The following PCDH11X variants were observed in gnomAD, a reference collection of about 807,000 sequenced individuals.
PCDH11X encodes protocadherin 11 X-linked.
In PCDH11X, 18 loss-of-function variants were observed where a neutral mutation model predicts 53.3. That is an observed-to-expected ratio of 0.34 (90% CI 0.23 to 0.50). The LOEUF (loss-of-function observed/expected upper bound fraction) is 0.50. PCDH11X is among the 20% of genes least tolerant of loss of function. The pLI, the probability that PCDH11X is intolerant of heterozygous loss-of-function variation, is 0.98. For missense variants in PCDH11X, 570 were observed against 1,032.4 expected (o/e 0.55, Z 6.14); for synonymous variants, 279 against 393.3 (o/e 0.71, Z 3.44).
rs142309174 is a variant in PCDH11X, at chrX:92,320,468, T to G, written c.3144+57325T>G. On this transcript the variant is annotated intron_variant, in intron 8 of 10. Transcript: ENST00000682573. ...ACACAAACACATACTTTTTTTCAAC[T>G]AAATCAATAATATGAAGGATATATG... Among the ~76,000 whole-genome samples, 722 of 110,677 alleles carry G rather than the reference T, an allele frequency of 6.5e-3. 13 individuals carry two copies. In the East Asian group the frequency reaches 0.067, roughly 10 times the overall value.
At chrX:91,994,743 A>C (rs1396370387) in intron 6 of PCDH11X, among the ~76,000 whole-genome samples, 1 of 111,408 alleles carries the variant, frequency 9.0e-6, no homozygotes, top group Non-Finnish European at 1.9e-5. Context: ...TAATGGCTGT[A>C]CGAATTTACA....
rs113492321 is a variant in PCDH11X at position 92,003,063 on chromosome X, C to T, written c.3033+123790C>T. On this transcript the variant is annotated intron_variant, in intron 6 of 10. Transcript: ENST00000682573. The stretch of plus-strand genomic sequence containing the variant: ...GCTTTGATTATGTTGAGGAATGTTC[C>T]GTCTATTCCCAGGTTTTTTAGGGTT... 6.0e-3 allele frequency among the ~76,000 whole-genome samples: 618 copies of T among 103,102 alleles called. 6 individuals carry two copies. The highest frequency in any genetic ancestry group is 0.02 in the African/African-American group (584 of 28,582). The allele number at this position is 103,102 out of a possible 115,157, so 89.5% of individuals were successfully genotyped here.
intron 7 of PCDH11X, among the ~76,000 whole-genome samples, chrX:92,207,981 G>A (rs1295634967): frequency 9.1e-6 from 1 of 110,262 alleles, no homozygotes; most frequent in Non-Finnish European, 1.9e-5. Context: ...TGGATCACGA[G>A]ATCAGGAGTT....
intron 6 of PCDH11X, among the ~76,000 whole-genome samples, chrX:92,099,790 T>C (rs1479040222): frequency 1.8e-5 from 2 of 111,204 alleles, no homozygotes; most frequent in Non-Finnish European, 3.8e-5. Context: ...TCTGCTTGTA[T>C]TTATATGCTA....
chrX:92,372,809 A>G (rs1173435506), intron 8 of PCDH11X, among the ~76,000 whole-genome samples: 4 of 108,122 alleles, frequency 3.7e-5, no homozygotes, highest in Non-Finnish European at 7.7e-5. Flanking sequence ...AAACTATATT[A>G]TTAATAGAAC....
intron 7 of PCDH11X, among the ~76,000 whole-genome samples, chrX:92,238,086 G>A (rs62600693): frequency 0.13 from 14,783 of 111,151 alleles, 1,573 homozygotes; most frequent in African/African-American, 0.36. Flanking sequence ...TTGAAATAAA[G>A]CATAGTTTAG....
chrX:92,332,620 A>G (rs1463884364), intron 8 of PCDH11X, among the ~76,000 whole-genome samples: 2 of 112,377 alleles, frequency 1.8e-5, no homozygotes, highest in Non-Finnish European at 3.8e-5. Flanking sequence ...AAGATAAATG[A>G]CAACTTATCC....
chrX:92,500,647 C>T (rs2073944113), intron 10 of PCDH11X, among the ~76,000 whole-genome samples: 1 of 107,741 alleles, frequency 9.3e-6, no homozygotes, highest in African/African-American at 3.4e-5. Flanking sequence ...GAAATTAAGT[C>T]AGAAATCAAT....
intron 10 of PCDH11X, among the ~76,000 whole-genome samples, chrX:92,512,377 T>C (rs1254186466): frequency 8.9e-6 from 1 of 111,850 alleles, no homozygotes; most frequent in Non-Finnish European, 1.9e-5. Context: ...ATATTAATAC[T>C]GGGAACTATT....
chrX:92,097,616 TA>T (rs1167248180), intron 6 of PCDH11X, among the ~76,000 whole-genome samples: 2 of 110,816 alleles, frequency 1.8e-5, no homozygotes, highest in Non-Finnish European at 3.8e-5. Flanking sequence ...CTTAAAGCTA[TA>T]GATTATAGTT....
At chrX:91,819,626 A>G (rs1936571100) in intron 4 of PCDH11X, among the ~76,000 whole-genome samples, 1 of 98,305 alleles carries the variant, frequency 1.0e-5, no homozygotes, top group African/African-American at 4.7e-5. Flanking sequence ...TCCAGCAAGC[A>G]TTTCTTTTTT....
chrX:91,846,151 T>C (rs1164189273), intron 5 of PCDH11X, among the ~76,000 whole-genome samples: 2 of 111,886 alleles, frequency 1.8e-5, no homozygotes, highest in Admixed American at 1.9e-4. Context: ...TTTTAGGTAT[T>C]GATTAATGTA....
At chrX:91,988,279 T>A (rs1478666004) in intron 6 of PCDH11X, among the ~76,000 whole-genome samples, 1 of 110,608 alleles carries the variant, frequency 9.0e-6, no homozygotes, top group Non-Finnish European at 1.9e-5. Flanking sequence ...CTTCCTCTTT[T>A]TCCCATATCT....
intron 6 of PCDH11X, among the ~76,000 whole-genome samples, chrX:92,038,950 C>T (rs1203778289): frequency 1.8e-5 from 2 of 111,465 alleles, no homozygotes; most frequent in African/African-American, 6.5e-5. Context: ...AAACCTCTTT[C>T]CTGTATAAGT....
chrX:91,946,934 C>T (rs1213797732), intron 6 of PCDH11X, among the ~76,000 whole-genome samples: 2 of 106,593 alleles, frequency 1.9e-5, no homozygotes, highest in African/African-American at 6.8e-5. Context: ...TGGTTACATG[C>T]TTCAATTCTT....
At chrX:92,115,071 A>G (rs1171862504) in intron 6 of PCDH11X, among the ~76,000 whole-genome samples, 1 of 109,996 alleles carries the variant, frequency 9.1e-6, no homozygotes, top group Non-Finnish European at 1.9e-5. Context: ...AGCCTCCCAA[A>G]GTGTTGGGAT....
intron 5 of PCDH11X, among the ~76,000 whole-genome samples, chrX:91,855,792 G>A (rs1423413417): frequency 2.7e-5 from 3 of 111,071 alleles, no homozygotes; most frequent in South Asian, 7.5e-4. Context: ...TAAATTCTTT[G>A]TCACATTGGT....
At chrX:92,131,036 A>G (rs2064962944) in intron 6 of PCDH11X, among the ~76,000 whole-genome samples, 1 of 111,103 alleles carries the variant, frequency 9.0e-6, no homozygotes, top group African/African-American at 3.3e-5. Flanking sequence ...AATTTCAGTT[A>G]TGGGTACAAA....
chrX:92,117,144 C>A (rs7888626), intron 6 of PCDH11X, among the ~76,000 whole-genome samples: 37,335 of 106,056 alleles, frequency 0.35, 7,436 homozygotes, highest in East Asian at 0.86. Flanking sequence ...AGCCCTCAAA[C>A]AGTAATACTG....
Sources: allele counts gnomAD v4.1 joint callset (sites outside exome capture counted in the v4.1 genomes callset), GRCh38; gene constraint gnomAD v4.1.1; transcripts MANE v1.5; gene names NCBI Gene and HGNC (gene_info 2026-07-23, HGNC 2026-07-21).